Variants in NHSL2 observed in about 807,000 individuals in gnomAD.
The protein encoded by NHSL2 is NHS-like protein 2.
A neutral mutation model predicts 53.4 loss-of-function variants in NHSL2; 27 were observed. The ratio of observed to expected loss-of-function variants is 0.51; its 90% confidence interval spans 0.37 to 0.70. NHSL2 has a LOEUF of 0.70. Among genes scored for constraint, NHSL2 ranks in the 30% least tolerant of loss-of-function variants. The pLI is 0.00. For missense variants in NHSL2, 892 were observed against 980.1 expected (o/e 0.91, Z 1.20); for synonymous variants, 408 against 404.1 (o/e 1.01, Z -0.12).
chrX:71,917,477 T>A (rs764531817), intron 1 of NHSL2, among the ~76,000 whole-genome samples: 4 of 110,252 alleles, frequency 3.6e-5, no homozygotes, highest in African/African-American at 9.9e-5. Flanking sequence ...TTTCTTTCTT[T>A]CTAGCTATCG....
At position 72,055,783 on chromosome X, in the gene NHSL2, C is replaced by G. The variant is rs12392210; in HGVS notation, c.281-76296C>G. The stretch of plus-strand genomic sequence containing the variant: ...ATAAGATTCATAGATAAAAGCAAAT[C>G]AACTGCTTAACAGAAACGCAAATGT... On this transcript the variant is annotated intron_variant, in intron 1 of 7. Transcript: ENST00000633930. 2.6e-3 allele frequency among the ~76,000 whole-genome samples: 291 copies of G among 112,189 alleles called. 2 individuals carry two copies. The highest frequency in any genetic ancestry group is 9.1e-3 in the African/African-American group (281 of 30,905).
rs764517137 is a variant in NHSL2 at position 72,139,425 on chromosome X, A to C, written c.1877A>C (p.His626Pro). The change falls in exon 6 of 8, where the codon CAC (histidine) becomes CCC (proline). Residue 626 changes from histidine to proline, a missense_variant. Physicochemically the swap from His to Pro is moderately conservative, Grantham distance 77. Transcript: ENST00000633930. Reference sequence around the variant, plus strand: ...CAGGGTCACCCAGCTATTCCAAACCACAAAGATCCAGAAAGTACACAATTC... The same window carrying C: ...CAGGGTCACCCAGCTATTCCAAACCCCAAAGATCCAGAAAGTACACAATTC... Reference protein sequence around the residue: ...DAQGHPAIPNHKDPESTQFSH... With the variant: ...DAQGHPAIPNPKDPESTQFSH... The C allele has an allele frequency of 4.1e-6, 5 of 1,208,606 alleles. No individual in the cohort carries two copies. Among genetic ancestry groups the C allele is most frequent in the Non-Finnish European group, 5.6e-6 (5 of 894,644 alleles).
chrX:72,087,308 C>A (rs2041857264), intron 1 of NHSL2, among the ~76,000 whole-genome samples: 1 of 111,953 alleles, frequency 8.9e-6, no homozygotes, highest in South Asian at 3.6e-4. Context: ...TAGACCAGAC[C>A]AATTCAGAGA....
chrX:72,050,184 A>G (rs1201145312), intron 1 of NHSL2, among the ~76,000 whole-genome samples: 8 of 110,629 alleles, frequency 7.2e-5, no homozygotes, highest in African/African-American at 2.6e-4. Flanking sequence ...CGGGTCTGGC[A>G]AGAGTTCCAA....
chrX:71,955,845 A>G (rs188468396), intron 1 of NHSL2, among the ~76,000 whole-genome samples: 198 of 109,738 alleles, frequency 1.8e-3, no homozygotes, highest in Non-Finnish European at 3.0e-3. Context: ...GTTTCCCATG[A>G]ATCCTTAGGG....
At chrX:72,113,603 G>A (rs368529852) in intron 1 of NHSL2, among the ~76,000 whole-genome samples, 2 of 112,298 alleles carry the variant, frequency 1.8e-5, no homozygotes, top group East Asian at 5.6e-4. Flanking sequence ...CCCAGCAACC[G>A]CTATGTGACA....
intron 1 of NHSL2, among the ~76,000 whole-genome samples, chrX:72,095,479 A>G (rs2041936630): frequency 8.9e-6 from 1 of 112,210 alleles, no homozygotes. Flanking sequence ...TTGTCAGACC[A>G]AGAATTCTGA....
intron 1 of NHSL2, among the ~76,000 whole-genome samples, chrX:72,028,060 A>G (rs1211542736): frequency 1.8e-5 from 2 of 111,910 alleles, no homozygotes; most frequent in Admixed American, 9.4e-5. Context: ...TAGGAACCCT[A>G]TGAGAAAAGC....
intron 1 of NHSL2, among the ~76,000 whole-genome samples, chrX:72,063,422 C>T (rs187480900): frequency 5.4e-5 from 6 of 111,900 alleles, no homozygotes; most frequent in African/African-American, 1.3e-4. Flanking sequence ...AAGCCACACA[C>T]GTTGATGAAT....
intron 1 of NHSL2, among the ~76,000 whole-genome samples, chrX:72,075,671 A>C (rs1266250453): frequency 9.0e-6 from 1 of 111,721 alleles, no homozygotes; most frequent in Non-Finnish European, 1.9e-5. Flanking sequence ...AAGCTCATCG[A>C]GCCTCCTTGG....
chrX:71,916,652 A>G (rs1398432925), intron 1 of NHSL2, among the ~76,000 whole-genome samples: 4 of 111,811 alleles, frequency 3.6e-5, no homozygotes, highest in Non-Finnish European at 7.5e-5. Flanking sequence ...AACCAGAACC[A>G]GGACCCTAGT....
chrX:71,999,523 G>T (rs2042063818), intron 1 of NHSL2, among the ~76,000 whole-genome samples: 1 of 111,939 alleles, frequency 8.9e-6, no homozygotes, highest in African/African-American at 3.2e-5. Flanking sequence ...CTGAAATTGA[G>T]AGACATTCTA....
intron 1 of NHSL2, among the ~76,000 whole-genome samples, chrX:71,930,900 C>T (rs2041709594): frequency 8.9e-6 from 1 of 111,840 alleles, no homozygotes; most frequent in South Asian, 3.7e-4. Context: ...TTTCATTTTT[C>T]TTGGGTATGT....
chrX:72,093,626 C>T (rs1375977457), intron 1 of NHSL2, among the ~76,000 whole-genome samples: 1 of 112,367 alleles, frequency 8.9e-6, no homozygotes, highest in African/African-American at 3.2e-5. Context: ...GAGGATGCTT[C>T]CATTTTCACC....
chrX:72,070,906 A>G (rs1413725215), intron 1 of NHSL2, among the ~76,000 whole-genome samples: 1 of 111,858 alleles, frequency 8.9e-6, no homozygotes, highest in Non-Finnish European at 1.9e-5. Context: ...TAAGAAAGCA[A>G]TAAATGGATT....
intron 1 of NHSL2, among the ~76,000 whole-genome samples, chrX:71,987,073 C>T (rs978311720): frequency 5.4e-5 from 6 of 111,188 alleles, no homozygotes; most frequent in African/African-American, 9.8e-5. Context: ...AAGCTGGGCG[C>T]GGTGACTCAC....
intron 1 of NHSL2, among the ~76,000 whole-genome samples, chrX:71,953,282 G>A (rs61149094): frequency 0.014 from 1,612 of 112,391 alleles, 28 homozygotes; most frequent in African/African-American, 0.05. Context: ...GCTTCCCAAG[G>A]TAGACCTGTG....
chrX:72,004,416 A>G (rs1406112283), intron 1 of NHSL2, among the ~76,000 whole-genome samples: 1 of 111,714 alleles, frequency 9.0e-6, no homozygotes, highest in East Asian at 2.8e-4. Context: ...CCAGGGGCCC[A>G]AGTTTGGCTG....
intron 1 of NHSL2, among the ~76,000 whole-genome samples, chrX:72,091,649 G>A (rs1053119379): frequency 9.0e-6 from 1 of 110,912 alleles, no homozygotes; most frequent in African/African-American, 3.3e-5. Context: ...TGGGAGTGTG[G>A]TCAGGGAAGG....
Sources: allele counts gnomAD v4.1 joint callset (sites outside exome capture counted in the v4.1 genomes callset), GRCh38; gene constraint gnomAD v4.1.1; transcripts MANE v1.5; gene names NCBI Gene and HGNC (gene_info 2026-07-23, HGNC 2026-07-21).